GRM7: variants seen among roughly 807,000 people sequenced by gnomAD.
The protein encoded by GRM7 is metabotropic glutamate receptor 7.
GRM7 carries 35 observed loss-of-function variants against 84.5 expected under a neutral mutation model. The observed-to-expected ratio is 0.41, with a 90% CI of 0.32 to 0.55. The LOEUF is 0.55. Ranked by LOEUF, GRM7 falls within the 20% of genes least tolerant of loss-of-function variation. The pLI is 0.19. For synonymous variants in GRM7, 487 were observed against 455.1 expected (o/e 1.07, Z -0.89); for missense variants, 1,003 against 1,194.6 (o/e 0.84, Z 2.36).
At chr3:6,918,020 C>T (rs143457580) in intron 1 of GRM7, among the ~76,000 whole-genome samples, 2 of 152,194 alleles carry the variant, frequency 1.3e-5, no homozygotes, top group African/African-American at 4.8e-5. Flanking sequence ...ATAAAAGGTC[C>T]TTTTTAAGCA....
In GRM7 at chr3:7,633,000, G is replaced by C. The variant is rs3804862; in HGVS notation, c.2452-47049G>C. Among the ~76,000 whole-genome samples the C allele has an allele frequency of 4.7e-3, 709 of 152,218 alleles. 4 individuals carry two copies. Among genetic ancestry groups the C allele is most frequent in the African/African-American group, 0.016 (654 of 41,550 alleles). On this transcript the variant is annotated intron_variant, in intron 8 of 9. Transcript: ENST00000357716. ...ATTTTTGATAGAAACAGAACCTAAAGGAAATGTGTCCGAAGCAGTCATTGA... is the reference window on the plus strand; with the variant it reads ...ATTTTTGATAGAAACAGAACCTAAACGAAATGTGTCCGAAGCAGTCATTGA...
intron 2 of GRM7, among the ~76,000 whole-genome samples, chr3:7,182,707 C>G (rs1695380803): frequency 6.6e-6 from 1 of 152,080 alleles, no homozygotes; most frequent in Admixed American, 6.6e-5. Context: ...CCTAATCTCA[C>G]CAATAGTAAG....
At chr3:6,993,453 A>T (rs1193930863) in intron 1 of GRM7, among the ~76,000 whole-genome samples, 1 of 152,038 alleles carries the variant, frequency 6.6e-6, no homozygotes, top group Non-Finnish European at 1.5e-5. Flanking sequence ...TGGAAACTCA[A>T]AGACAGTAAT....
chr3:7,349,599 C>T (rs529184285), intron 4 of GRM7, among the ~76,000 whole-genome samples: 82 of 152,254 alleles, frequency 5.4e-4, no homozygotes, highest in African/African-American at 2.0e-3. Flanking sequence ...AAGTTATGTT[C>T]ATTACCATGA....
At chr3:7,560,429 C>G (rs1020155088) in intron 7 of GRM7, 1 of 152,062 alleles carries the variant, frequency 6.6e-6, no homozygotes, top group African/African-American at 2.4e-5. Flanking sequence ...TCTCTCCACT[C>G]TCACGCAGAG....
chr3:7,072,738 G>A (rs539785016), intron 1 of GRM7, among the ~76,000 whole-genome samples: 3 of 152,268 alleles, frequency 2.0e-5, no homozygotes, highest in African/African-American at 7.2e-5. Context: ...AGGTACTGAA[G>A]TTGTGTAATA....
At chr3:7,239,519 G>A (rs1697471975) in intron 2 of GRM7, among the ~76,000 whole-genome samples, 1 of 152,094 alleles carries the variant, frequency 6.6e-6, no homozygotes. Context: ...GCTTAGTTTT[G>A]TATGACTGGC....
At chr3:7,417,110 A>G (rs1696195590) in intron 5 of GRM7, among the ~76,000 whole-genome samples, 1 of 152,170 alleles carries the variant, frequency 6.6e-6, no homozygotes, top group Non-Finnish European at 1.5e-5. Context: ...TAGTAAGGTC[A>G]TTATGCAAGC....
At chr3:7,357,741 G>T (rs1429916279) in intron 4 of GRM7, among the ~76,000 whole-genome samples, 5 of 152,030 alleles carry the variant, frequency 3.3e-5, no homozygotes, top group Non-Finnish European at 7.4e-5. Flanking sequence ...AGGCTGACAG[G>T]TCACCATGTG....
intron 1 of GRM7, among the ~76,000 whole-genome samples, chr3:7,035,390 T>G (rs1320554561): frequency 1.3e-5 from 2 of 152,020 alleles, no homozygotes; most frequent in South Asian, 4.2e-4. Context: ...AGGGAAAGTA[T>G]AAAAGGCCCA....
intron 1 of GRM7, among the ~76,000 whole-genome samples, chr3:6,927,016 C>T (rs576482947): frequency 4.6e-5 from 7 of 152,268 alleles, no homozygotes; most frequent in South Asian, 2.1e-4. Flanking sequence ...ATCTTTCACT[C>T]GCACTGTGTT....
intron 4 of GRM7, among the ~76,000 whole-genome samples, chr3:7,370,485 A>C (rs148780053): frequency 2.4e-4 from 36 of 152,194 alleles, no homozygotes; most frequent in African/African-American, 8.7e-4. Flanking sequence ...TGTGCCTTTC[A>C]CTTTCTGCCA....
intron 7 of GRM7, among the ~76,000 whole-genome samples, chr3:7,569,755 C>T (rs1226702142): frequency 6.6e-6 from 1 of 152,112 alleles, no homozygotes; most frequent in Non-Finnish European, 1.5e-5. Context: ...GACACACCAC[C>T]TTAAGAGCTG....
intron 2 of GRM7, among the ~76,000 whole-genome samples, chr3:7,261,136 G>A (rs4470504): frequency 6.6e-6 from 1 of 152,088 alleles, no homozygotes. Context: ...CTTCCAGGGT[G>A]TCCTAGCATC....
At chr3:7,150,156 T>TG (rs1409166713) in intron 2 of GRM7, among the ~76,000 whole-genome samples, 1 of 152,082 alleles carries the variant, frequency 6.6e-6, no homozygotes, top group East Asian at 1.9e-4. Flanking sequence ...AGTGTACTGC[T>TG]GGCAGGTTGG....
chr3:7,547,194 C>T (rs948645422), intron 7 of GRM7, among the ~76,000 whole-genome samples: 1,017 of 76,054 alleles, frequency 0.013, 8 homozygotes, highest in Non-Finnish European at 0.017. Context: ...AGAGTGAATT[C>T]TTTTTTTTTT....
intron 1 of GRM7, among the ~76,000 whole-genome samples, chr3:7,126,541 T>G (rs1315127275): frequency 6.6e-6 from 1 of 152,206 alleles, no homozygotes; most frequent in Non-Finnish European, 1.5e-5. Flanking sequence ...TGCCTAGGCA[T>G]TTTGCTTCTC....
intron 2 of GRM7, among the ~76,000 whole-genome samples, chr3:7,281,612 A>G (rs1289024177): frequency 2.6e-5 from 4 of 152,104 alleles, no homozygotes; most frequent in African/African-American, 7.2e-5. Context: ...TTTTTTAAAT[A>G]TTCCCTTTAA....
intron 2 of GRM7, among the ~76,000 whole-genome samples, chr3:7,270,030 A>T (rs1487773303): frequency 6.6e-6 from 1 of 152,172 alleles, no homozygotes; most frequent in Non-Finnish European, 1.5e-5. Context: ...TAATACACCT[A>T]TTGCTAGGTC....
Sources: gnomAD v4.1 joint callset for allele counts (sites outside exome capture counted in the v4.1 genomes callset) on GRCh38, gnomAD v4.1.1 for gene constraint, MANE v1.5 for transcripts, NCBI Gene and HGNC (gene_info 2026-07-23, HGNC 2026-07-21) for gene names.